The following SPINK6 variants were observed in gnomAD, a reference collection of about 807,000 sequenced individuals.
The protein encoded by SPINK6 is serine protease inhibitor Kazal-type 6.
A neutral mutation model predicts 11.7 loss-of-function variants in SPINK6; 13 were observed. The ratio of observed to expected loss-of-function variants is 1.11; its 90% CI spans 0.72 to 1.76. The LOEUF (loss-of-function observed/expected upper bound fraction) is 1.76, where lower values mean the gene tolerates loss of function less well. Ranked by LOEUF, SPINK6 falls within the 40% of genes most tolerant of loss-of-function variation. The pLI, the probability that SPINK6 is intolerant of heterozygous loss-of-function variation, is 0.00. For synonymous variants in SPINK6, 21 were observed against 31.9 expected, an observed-to-expected ratio of 0.66 and a Z score of 1.15; for missense variants, 98 against 93.7, an observed-to-expected ratio of 1.05 and a Z score of -0.19.
intron 3 of SPINK6, 104 bp downstream of exon 3, chr5:148,214,129 T>C (rs1033691595): frequency 5.2e-6 from 3 of 571,748 alleles, no homozygotes; most frequent in East Asian, 6.0e-5. Context: ...TACCTCCCCA[T>C]AGAGACTGAA....
intron 2 of SPINK6, among the ~76,000 whole-genome samples, chr5:148,209,325 CT>C (rs1336154116): frequency 1.3e-5 from 2 of 152,144 alleles, no homozygotes; most frequent in Non-Finnish European, 2.9e-5. Flanking sequence ...CTGACTCCAT[CT>C]GGAGTGAGCT....
At chr5:148,210,162 G>A (rs1181461389) in intron 2 of SPINK6, among the ~76,000 whole-genome samples, 11 of 13,784 alleles carry the variant, frequency 8.0e-4, no homozygotes, top group East Asian at 4.0e-3. Flanking sequence ...ATTTCTGCAT[G>A]CATATGTATT....
chr5:148,210,366 A>G, intron 2 of SPINK6, among the ~76,000 whole-genome samples: 1 of 144,470 alleles, frequency 6.9e-6, no homozygotes, highest in East Asian at 2.1e-4. Context: ...ATATATATGT[A>G]TGTGTTTCTG....
chr5:148,213,215 TG>T (rs569226301), intron 2 of SPINK6, among the ~76,000 whole-genome samples: 542 of 19,256 alleles, frequency 0.028, 2 homozygotes, highest in Admixed American at 0.061. Context: ...TGTTTGTTTT[TG>T]TTTTTGTTTT....
At chr5:148,204,286 C>T (rs1036548398) in intron 1 of SPINK6, among the ~76,000 whole-genome samples, 2 of 151,702 alleles carry the variant, frequency 1.3e-5, no homozygotes, top group African/African-American at 2.4e-5. Flanking sequence ...ACTACTAAAG[C>T]CAAATAACCT....
At chr5:148,212,523 GTATATATTTTATATAAGTATATATT>G (rs1755613718) in intron 2 of SPINK6, among the ~76,000 whole-genome samples, 1 of 110,902 alleles carries the variant, frequency 9.0e-6, no homozygotes, top group African/African-American at 3.7e-5. Flanking sequence ...TATATATAAA[GTATATATTTTATATAAGTATATATT>G]TATATATTTA....
intron 2 of SPINK6, among the ~76,000 whole-genome samples, chr5:148,208,104 C>G (rs1339966827): frequency 6.6e-6 from 1 of 152,144 alleles, no homozygotes; most frequent in Non-Finnish European, 1.5e-5. Context: ...AGTCCTCATT[C>G]ATACTTACTT....
chr5:148,209,669 T>C (rs544580846), intron 2 of SPINK6, among the ~76,000 whole-genome samples: 6 of 152,174 alleles, frequency 3.9e-5, no homozygotes, highest in South Asian at 2.1e-4. Context: ...TAAAAACTTA[T>C]TTTATTAGTC....
At chr5:148,209,956 A>T (rs1755548947) in intron 2 of SPINK6, among the ~76,000 whole-genome samples, 1 of 136,570 alleles carries the variant, frequency 7.3e-6, no homozygotes, top group Non-Finnish European at 1.5e-5. Context: ...TTTCATATAT[A>T]TGTATACATA....
intron 2 of SPINK6, among the ~76,000 whole-genome samples, chr5:148,213,575 G>C (rs889373883): frequency 6.6e-6 from 1 of 152,058 alleles, no homozygotes; most frequent in African/African-American, 2.4e-5. Context: ...TTTCATGACC[G>C]AAAACCACTC....
Position 148,213,912 on chromosome 5 carries a change from T to A in SPINK6, c.84T>A (p.Val28=), listed in dbSNP as rs1481873542. The A allele has an allele frequency of 6.4e-7, 1 of 1,562,278 alleles. No homozygotes were observed. Among genetic ancestry groups the A allele is most frequent in the Non-Finnish European group, 8.8e-7 (1 of 1,132,074 alleles). The change falls in exon 3 of 4, where the codon GTT becomes GTA. Residue 28 remains valine (V), a splice_region_variant and synonymous_variant. Transcript: ENST00000325630. ...LTGVFSQGGQ[V]DCGEFQDPKV... is the part of the protein sequence containing the mutation. ...TGTCACTCTGCTTACTTTGGTAGGT[T>A]GACTGTGGTGAGTTCCAGGACCCCA...
At chr5:148,210,316 GTATGTGTTTCTGCATACATATA>G (rs1561732710) in intron 2 of SPINK6, among the ~76,000 whole-genome samples, 1 of 20,168 alleles carries the variant, frequency 5.0e-5, no homozygotes, top group East Asian at 1.1e-3. Flanking sequence ...ACATATATAT[GTATGTGTTTCTGCATACATATA>G]TATGTGTTTC....
At chr5:148,205,696 G>A (rs1373849219) in intron 1 of SPINK6, among the ~76,000 whole-genome samples, 2 of 152,130 alleles carry the variant, frequency 1.3e-5, no homozygotes, top group East Asian at 3.9e-4. Context: ...TCCACAGTGA[G>A]ACCAGCGATG....
chr5:148,207,214 C>T (rs1581140629), intron 2 of SPINK6, among the ~76,000 whole-genome samples: 1 of 152,062 alleles, frequency 6.6e-6, no homozygotes, highest in East Asian at 1.9e-4. Context: ...TAACACCCAG[C>T]CAACACATTT....
chr5:148,212,779 T>C (rs943984960), intron 2 of SPINK6, among the ~76,000 whole-genome samples: 1 of 134,318 alleles, frequency 7.4e-6, no homozygotes, highest in Non-Finnish European at 1.5e-5. Context: ...TATATATTTA[T>C]ATATTATATT....
chr5:148,206,136 C>G, intron 2 of SPINK6, 78 bp downstream of exon 2: 1 of 1,517,020 alleles, frequency 6.6e-7, no homozygotes, highest in African/African-American at 1.4e-5. Context: ...AGAAATTTGT[C>G]TATGGTTAAC....
chr5:148,213,696 T>A (rs557050598), intron 2 of SPINK6, among the ~76,000 whole-genome samples: 2 of 152,294 alleles, frequency 1.3e-5, no homozygotes, highest in East Asian at 3.9e-4. Flanking sequence ...GAGTTTCCTG[T>A]GACTCAAAGA....
chr5:148,207,782 T>A (rs183273880), intron 2 of SPINK6, among the ~76,000 whole-genome samples: 125 of 152,236 alleles, frequency 8.2e-4, no homozygotes, highest in Non-Finnish European at 1.9e-4. Flanking sequence ...GAGCCAAGAT[T>A]GTGCCACTGC....
chr5:148,205,916 C>A (rs905720007), intron 1 of SPINK6, 120 bp from the exon 2 acceptor site: 21 of 1,013,402 alleles, frequency 2.1e-5, no homozygotes, highest in South Asian at 2.9e-5. Context: ...AAAAAAAATA[C>A]GATGACTTTT....
Sources: gnomAD v4.1 joint callset for allele counts (sites outside exome capture counted in the v4.1 genomes callset) on GRCh38, gnomAD v4.1.1 for gene constraint, MANE v1.5 for transcripts, NCBI Gene and HGNC (gene_info 2026-07-23, HGNC 2026-07-21) for gene names.